Variants in NBEA observed in about 807,000 individuals in gnomAD.
NBEA encodes neurobeachin, also known as lysosomal-trafficking regulator 2.
In NBEA, 44 loss-of-function variants were observed where a neutral mutation model predicts 343.4. That is an observed-to-expected ratio of 0.13 (90% CI 0.10 to 0.16). The LOEUF (loss-of-function observed/expected upper bound fraction) is 0.16. Ranked by LOEUF, NBEA falls within the 10% of genes least tolerant of loss-of-function variation. The probability of loss-of-function intolerance (pLI) is 1.00; values close to 1 mark genes in which losing one functional copy is unlikely to be tolerated. For synonymous variants in NBEA, 1,175 were observed against 1,238.7 expected, an observed-to-expected ratio of 0.95 and a Z score of 1.08; for missense variants, 2,555 against 3,631.3, an observed-to-expected ratio of 0.70 and a Z score of 7.62.
Position 35,605,468 on chromosome 13 carries a change from T to C in NBEA, c.7297-958T>C, listed in dbSNP as rs1386052042. ...TATGCATCCCTAGAAAAGACTACAGTGAGATTTAAATTTCAGATGCTATGC... is the reference window on the plus strand; with the variant it reads ...TATGCATCCCTAGAAAAGACTACAGCGAGATTTAAATTTCAGATGCTATGC... On this transcript the variant is annotated intron_variant, in intron 47 of 58. Coordinates refer to ENST00000379939, the MANE Select transcript of NBEA (RefSeq NM_001385012.1). 2.0e-5 allele frequency among the ~76,000 whole-genome samples: 3 copies of C among 152,250 alleles called. No individual in the cohort carries two copies. In the East Asian group the frequency reaches 5.8e-4, roughly 29 times the overall value.
intron 28 of NBEA, among the ~76,000 whole-genome samples, chr13:35,181,419 T>C (rs745786914): frequency 3.0e-4 from 46 of 151,892 alleles, no homozygotes; most frequent in Non-Finnish European, 1.2e-4. Flanking sequence ...ATTACTGATG[T>C]TGAGCATTTT....
chr13:35,010,741 A>AATATATATATATAT (rs869140392), intron 1 of NBEA, among the ~76,000 whole-genome samples: 3 of 31,952 alleles, frequency 9.4e-5, no homozygotes, highest in African/African-American at 1.0e-4. Context: ...AAAAAAAAAA[A>AATATATATATATAT]ATATATATAT....
At chr13:35,250,879 C>T (rs1231657512) in intron 34 of NBEA, among the ~76,000 whole-genome samples, 3 of 152,176 alleles carry the variant, frequency 2.0e-5, no homozygotes, top group African/African-American at 7.2e-5. Context: ...GATACTGTAT[C>T]TTCTTTAGGG....
chr13:35,470,950 T>C (rs910586651), intron 40 of NBEA, among the ~76,000 whole-genome samples: 12 of 152,298 alleles, frequency 7.9e-5, no homozygotes, highest in Non-Finnish European at 1.0e-4. Context: ...AAGAAAAACC[T>C]TGTGCAACCG....
At chr13:34,964,178 A>C (rs2059749069) in intron 1 of NBEA, among the ~76,000 whole-genome samples, 1 of 152,000 alleles carries the variant, frequency 6.6e-6, no homozygotes, top group Non-Finnish European at 1.5e-5. Flanking sequence ...AAGATATGGA[A>C]ATAACATCAT....
intron 38 of NBEA, among the ~76,000 whole-genome samples, chr13:35,385,575 T>C (rs1262735639): frequency 2.0e-5 from 3 of 151,984 alleles, no homozygotes; most frequent in Non-Finnish European, 4.4e-5. Flanking sequence ...TGGTGGTGTG[T>C]TCCTGTAGTA....
At chr13:35,100,205 T>C (rs1593343247) in intron 11 of NBEA, among the ~76,000 whole-genome samples, 1 of 152,226 alleles carries the variant, frequency 6.6e-6, no homozygotes, top group East Asian at 1.9e-4. Flanking sequence ...AGTTCTAAAA[T>C]ATGCTATATT....
chr13:35,593,540 G>A, intron 47 of NBEA, 93 bp downstream of exon 47: 1 of 863,102 alleles, frequency 1.2e-6, no homozygotes, highest in Non-Finnish European at 1.7e-6. Context: ...ATTTTATATT[G>A]CAGCTTTGTT....
intron 44 of NBEA, among the ~76,000 whole-genome samples, chr13:35,564,263 CAATT>C (rs1167523217): frequency 5.3e-5 from 8 of 151,654 alleles, no homozygotes; most frequent in East Asian, 1.9e-4. Flanking sequence ...TTTCATCTAT[CAATT>C]AATTTATTTA....
chr13:35,231,368 T>C (rs1263678122), intron 33 of NBEA, among the ~76,000 whole-genome samples: 1 of 152,204 alleles, frequency 6.6e-6, no homozygotes, highest in Non-Finnish European at 1.5e-5. Context: ...CAAATTATTT[T>C]ATGGTTAATT....
chr13:35,232,508 G>A lies in NBEA; in HGVS notation c.5665G>A (p.Glu1889Lys). Residue 1889 changes from glutamate (E) to lysine (K), a missense_variant, in exon 34 of 59, where the codon GAA becomes AAA. By Grantham distance (56) the Glu-to-Lys change is moderately conservative. Coordinates refer to ENST00000379939, the MANE Select transcript of NBEA (RefSeq NM_001385012.1). ...TTTCAACAGCATCACTGCAAAACTT[G>A]AAAGAGCGTTAGAAAAAGTTGCTCC... is the stretch of plus-strand genomic sequence containing the variant. ...AENMSITAKL[E>K]RALEKVAPLL... The A allele has an allele frequency of 1.3e-6, 2 of 1,546,262 alleles. No homozygotes were observed. Among genetic ancestry groups the A allele is most frequent in the Non-Finnish European group, 1.7e-6 (2 of 1,143,716 alleles).
At chr13:35,554,729 C>T (rs1350805707) in intron 43 of NBEA, among the ~76,000 whole-genome samples, 1 of 152,108 alleles carries the variant, frequency 6.6e-6, no homozygotes, top group Admixed American at 6.6e-5. Context: ...GGATTTGTGA[C>T]TCATTTGCAG....
At chr13:35,214,528 T>G (rs2073958695) in intron 33 of NBEA, among the ~76,000 whole-genome samples, 1 of 151,804 alleles carries the variant, frequency 6.6e-6, no homozygotes, top group South Asian at 2.1e-4. Context: ...TATGGGCCAT[T>G]GAAATCCCTT....
intron 34 of NBEA, among the ~76,000 whole-genome samples, chr13:35,263,833 T>C (rs2033430422): frequency 6.6e-6 from 1 of 151,408 alleles, no homozygotes; most frequent in African/African-American, 2.4e-5. Context: ...AGAAGAAAGA[T>C]CTCACACAAC....
intron 41 of NBEA, among the ~76,000 whole-genome samples, chr13:35,541,334 G>A (rs2078812245): frequency 6.6e-6 from 1 of 151,664 alleles, no homozygotes; most frequent in African/African-American, 2.4e-5. Flanking sequence ...TAGAGATCAG[G>A]GACTCTGCTT....
intron 55 of NBEA, among the ~76,000 whole-genome samples, chr13:35,664,210 GC>G (rs770547190): frequency 6.6e-6 from 1 of 152,184 alleles, no homozygotes; most frequent in African/African-American, 2.4e-5. Context: ...GCATCTGCCA[GC>G]CCTGGAACAT....
At position 35,593,400 on chromosome 13, in the gene NBEA, G is replaced by A. The variant is rs116439886; in HGVS notation, c.7249G>A (p.Val2417Ile). The A allele has an allele frequency of 8.4e-4, 1,350 of 1,611,992 alleles. 8 individuals are homozygous for A. The African/African-American group carries it at 0.015, about 17-fold the overall frequency. ...TCATCCAGATCGAACCTTCTCATCC[G>A]TTGCAAGGTCTTGGAGAACTAGTCA... ...FDHPDRTFSS[V>I]ARSWRTSQRD... Residue 2417 changes from valine to isoleucine, a missense_variant, in exon 47 of 59, where the codon GTT becomes ATT. Transcript: ENST00000379939.
At chr13:35,413,819 T>C (rs2043734804) in intron 38 of NBEA, among the ~76,000 whole-genome samples, 1 of 152,126 alleles carries the variant, frequency 6.6e-6, no homozygotes. Flanking sequence ...AATGTTTCTG[T>C]ATAATTTAGT....
chr13:35,318,675 G>T (rs972643264), intron 36 of NBEA, among the ~76,000 whole-genome samples: 52 of 152,264 alleles, frequency 3.4e-4, no homozygotes, highest in African/African-American at 1.1e-3. Context: ...CAGAAGGAAT[G>T]GTACCAGCTC....
Sources: gnomAD v4.1 joint callset for allele counts (sites outside exome capture counted in the v4.1 genomes callset) on GRCh38, gnomAD v4.1.1 for gene constraint, MANE v1.5 for transcripts, NCBI Gene and HGNC (gene_info 2026-07-23, HGNC 2026-07-21) for gene names.